CD58: variants seen among roughly 807,000 people sequenced by gnomAD.
CD58 encodes the protein lymphocyte function-associated antigen 3.
A neutral mutation model predicts 27.6 loss-of-function variants in CD58; 14 were observed. The ratio of observed to expected loss-of-function variants is 0.51; its 90% confidence interval spans 0.34 to 0.79. The LOEUF (loss-of-function observed/expected upper bound fraction) is 0.79. Ranked by LOEUF, CD58 falls within the 30% of genes least tolerant of loss-of-function variation. The pLI is 0.02. For missense variants in CD58, 268 were observed against 301.7 expected (o/e 0.89, Z 0.83); for synonymous variants, 117 against 103.8 (o/e 1.13, Z -0.77).
At position 116,536,275 on chromosome 1, in the gene CD58, G is replaced by T; in HGVS notation, c.365-47C>A. 6.9e-7 allele frequency: 1 copy of T among 1,446,808 alleles called. No individual in the cohort carries two copies. The highest frequency in any genetic ancestry group is 1.3e-5 in the South Asian group (1 of 78,286). The allele number at this position is 1,446,808 out of a possible 1,614,324, so 89.6% of individuals were successfully genotyped here. On this transcript the variant is annotated intron_variant, in intron 2 of 5. Coordinates refer to ENST00000369489, the MANE Select transcript of CD58 (RefSeq NM_001779.3). This position sits in a 1 kb window ranked among gnomAD's most constrained non-coding sequence, Gnocchi z 5.4. Reference sequence around the variant, plus strand: ...TTAGTACAGAAAATAGTAATATTTAGACTTATCATCTGCAAATTTATGAAG... The same window carrying T: ...TTAGTACAGAAAATAGTAATATTTATACTTATCATCTGCAAATTTATGAAG...
rs115808848 is a variant in CD58 at position 116,551,567 on chromosome 1, G to A, written c.71-6963C>T. Among the ~76,000 whole-genome samples the A allele has an allele frequency of 5.8e-3, 884 of 152,182 alleles. 5 individuals are homozygous for A. Among genetic ancestry groups the A allele is most frequent in the Non-Finnish European group, 9.7e-3 (657 of 68,000 alleles). Reference sequence around the variant, plus strand: ...GCTTGATCTTCTATGCAGACTACTCGAACTTTCTCCATCTGCAATAACGCT... The same window carrying A: ...GCTTGATCTTCTATGCAGACTACTCAAACTTTCTCCATCTGCAATAACGCT... On this transcript the variant is annotated intron_variant, in intron 1 of 5. Coordinates refer to ENST00000369489, the MANE Select transcript of CD58 (RefSeq NM_001779.3).
intron 1 of CD58, among the ~76,000 whole-genome samples, chr1:116,555,529 A>C (rs1571085178): frequency 6.6e-6 from 1 of 152,204 alleles, no homozygotes; most frequent in Non-Finnish European, 1.5e-5. Context: ...TAGCCAGATA[A>C]TTTTTGAAGG....
intron 1 of CD58, among the ~76,000 whole-genome samples, chr1:116,551,575 T>C (rs1287948178): frequency 6.6e-6 from 1 of 152,202 alleles, no homozygotes; most frequent in Non-Finnish European, 1.5e-5. Context: ...TCGAACTTTC[T>C]CCATCTGCAA....
In CD58 at chr1:116,546,408, G is replaced by C. The variant is rs537350129; in HGVS notation, c.71-1804C>G. ...CCATCTCCCTTAATTAAGGGGAACT[G>C]CCCTCAAAAACACACCAGCATCTTT... On this transcript the variant is annotated intron_variant, in intron 1 of 5. Coordinates refer to ENST00000369489, the MANE Select transcript of CD58 (RefSeq NM_001779.3). The surrounding 1 kb of genome is among the most constrained non-coding windows in gnomAD (Gnocchi z 4.1). 6.6e-5 allele frequency among the ~76,000 whole-genome samples: 10 copies of C among 152,274 alleles called. No homozygotes were observed. Among genetic ancestry groups the C allele is most frequent in the African/African-American group, 2.2e-4 (9 of 41,560 alleles).
chr1:116,544,442 T>A lies in CD58; in HGVS notation c.233A>T (p.Lys78Ile). 1 of 1,614,142 alleles carries A rather than the reference T, an allele frequency of 6.2e-7. No homozygotes were observed. The highest frequency in any genetic ancestry group is 8.5e-7 in the Non-Finnish European group (1 of 1,180,004). Residue 78 changes from lysine to isoleucine, a missense_variant, in exon 2 of 6, where the codon AAA (lysine) becomes ATA (isoleucine). Lys to Ile is a moderately radical substitution (Grantham distance 102). Transcript: ENST00000369489. ...CACAGTGTCTAAATAAACCCTATTT[T>A]TAAAAGATGAGAAAGCTCTGAATTC... ...NSEFRAFSSF[K>I]NRVYLDTVSG...
At position 116,523,559 on chromosome 1, in the gene CD58, C is replaced by T. The variant is rs187417193; in HGVS notation, c.629-1576G>A. On this transcript the variant is annotated intron_variant, in intron 3 of 5. Transcript: ENST00000369489. The surrounding 1 kb of genome is among the most constrained non-coding windows in gnomAD (Gnocchi z 4.4). ...CTAGGTGCCCCCGAACATCATTTTC[C>T]CTTCTTTAGTAGCAAAATTCAGATA... Among the ~76,000 whole-genome samples, 505 of 152,242 alleles carry T rather than the reference C, an allele frequency of 3.3e-3. 3 individuals carry two copies. The highest frequency in any genetic ancestry group is 0.011 in the African/African-American group (468 of 41,540).
rs1198065086 is a variant in CD58, at chr1:116,538,017, C to T, written c.365-1789G>A. 2.0e-5 allele frequency among the ~76,000 whole-genome samples: 3 copies of T among 152,056 alleles called. No homozygotes were observed. Among genetic ancestry groups the T allele is most frequent in the Admixed American group, 6.6e-5 (1 of 15,256 alleles). Reference sequence around the variant, plus strand: ...AAAAATAAAAGCATTTAATGGTTCCCCCATCTTCTCCTCCTCCTGAATTCC... The same window carrying T: ...AAAAATAAAAGCATTTAATGGTTCCTCCATCTTCTCCTCCTCCTGAATTCC... On this transcript the variant is annotated intron_variant, in intron 2 of 5. Coordinates refer to ENST00000369489, the MANE Select transcript of CD58 (RefSeq NM_001779.3). The surrounding 1 kb of genome is among the most constrained non-coding windows in gnomAD (Gnocchi z 4.7).
chr1:116,536,102 T>C lies in CD58; in HGVS notation c.491A>G (p.Glu164Gly). 6.2e-7 allele frequency: 1 copy of C among 1,613,862 alleles called. No homozygotes were observed. Among genetic ancestry groups the C allele is most frequent in the Non-Finnish European group, 8.5e-7 (1 of 1,179,806 alleles). ...ACTGGTTGAGTTACGTTTACATTGCTCCATAGGACAATCCCATGAGTACAT... is the reference window on the plus strand; with the variant it reads ...ACTGGTTGAGTTACGTTTACATTGCCCCATAGGACAATCCCATGAGTACAT... ...LIMYSWDCPM[E>G]QCKRNSTSIY... The change falls in exon 3 of 6, where the codon GAG (glutamate) becomes GGG (glycine). Residue 164 changes from glutamate (E) to glycine (G), a missense_variant. Transcript: ENST00000369489. This position sits in a 1 kb window ranked among gnomAD's most constrained non-coding sequence, Gnocchi z 5.4.
Position 116,570,940 on chromosome 1 carries a change from CA to C in CD58, c.32del (p.Leu11ArgfsTer31). On this transcript the variant is annotated frameshift_variant, in exon 1 of 6. Coordinates refer to ENST00000369489, the MANE Select transcript of CD58 (RefSeq NM_001779.3). LOFTEE classifies it high-confidence loss of function. The surrounding 1 kb of genome is among the most constrained non-coding windows in gnomAD (Gnocchi z 6.4). ...GCAGGCAGACCACGCTGAGGACCCC[CA>C]GGGCCCGCCCCGCGTCGCTCCCAGC... MVAGSDAGRA[L>X]GVLSVVCLLH... 6.4e-7 allele frequency: 1 copy of C among 1,567,998 alleles called. No homozygotes were observed. The highest frequency in any genetic ancestry group is 8.6e-7 in the Non-Finnish European group (1 of 1,163,184).
chr1:116,564,133 T>TC lies in CD58; in HGVS notation c.70+6769_70+6770insG, dbSNP rs551384747. Among the ~76,000 whole-genome samples, 455 of 152,336 alleles carry TC rather than the reference T, an allele frequency of 3.0e-3. 3 individuals are homozygous for TC. The highest frequency in any genetic ancestry group is 0.01 in the African/African-American group (424 of 41,572). On this transcript the variant is annotated intron_variant, in intron 1 of 5. Transcript: ENST00000369489. ...AATTTCTTCCACCAGATGCCCTAAA[T>TC]AATTTCTCTCAAGTTCAAAGTTCCA...
intron 1 of CD58, among the ~76,000 whole-genome samples, chr1:116,565,381 G>A (rs1658897039): frequency 1.3e-5 from 2 of 152,068 alleles, no homozygotes; most frequent in African/African-American, 4.8e-5. Context: ...AGTAGACCTG[G>A]AATATCACTC....
Position 116,534,123 on chromosome 1 carries a change from C to T in CD58, c.628+1842G>A. 2 of 729,388 alleles carry T rather than the reference C, an allele frequency of 2.7e-6. No individual in the cohort carries two copies. The highest frequency in any genetic ancestry group is 5.0e-6 in the Non-Finnish European group (2 of 404,006). The allele number at this position is 729,388 out of a possible 1,614,324, so 45.2% of individuals were successfully genotyped here. On this transcript the variant is annotated intron_variant, in intron 3 of 5. Transcript: ENST00000369489. This position sits in a 1 kb window ranked among gnomAD's most constrained non-coding sequence, Gnocchi z 5.3. The stretch of plus-strand genomic sequence containing the variant: ...TGTTTTTATCCCCTTGTCTGGTAAA[C>T]CAAGTCCCGTGAGTAACTAGGCTAA...
rs1404966942 is a variant in CD58, at chr1:116,541,363, TA to T, written c.364+2947del. ...GACATCTTAGCAAGCTGTATTTGTC[TA>T]AATAGAGTCCACAGGGGTCAGACCT... On this transcript the variant is annotated intron_variant, in intron 2 of 5. Transcript: ENST00000369489. This position sits in a 1 kb window ranked among gnomAD's most constrained non-coding sequence, Gnocchi z 5.3. 6.6e-6 allele frequency among the ~76,000 whole-genome samples: 1 copy of T among 152,226 alleles called. No individual in the cohort carries two copies. Among genetic ancestry groups the T allele is most frequent in the Non-Finnish European group, 1.5e-5 (1 of 68,036 alleles).
rs548804517 is a variant in CD58 at position 116,527,463 on chromosome 1, A to G, written c.629-5480T>C. On this transcript the variant is annotated intron_variant, in intron 3 of 5. Coordinates refer to ENST00000369489, the MANE Select transcript of CD58 (RefSeq NM_001779.3). This position sits in a 1 kb window ranked among gnomAD's most constrained non-coding sequence, Gnocchi z 4.4. ...GTGATTTTTCTTTCATAGTCTGTCA[A>G]TGTGATGGATTACATTAATTGATTT... is the stretch of plus-strand genomic sequence containing the variant. Among the ~76,000 whole-genome samples the G allele has an allele frequency of 3.9e-5, 6 of 152,266 alleles. No homozygotes were observed. The highest frequency in any genetic ancestry group is 1.3e-4 in the Admixed American group (2 of 15,300).
chr1:116,557,512 C>A lies in CD58; in HGVS notation c.71-12908G>T, dbSNP rs1470621376. 6.6e-6 allele frequency among the ~76,000 whole-genome samples: 1 copy of A among 152,202 alleles called. No homozygotes were observed. Among genetic ancestry groups the A allele is most frequent in the East Asian group, 1.9e-4 (1 of 5,200 alleles). On this transcript the variant is annotated intron_variant, in intron 1 of 5. Coordinates refer to ENST00000369489, the MANE Select transcript of CD58 (RefSeq NM_001779.3). The surrounding 1 kb of genome is among the most constrained non-coding windows in gnomAD (Gnocchi z 5.2). The stretch of plus-strand genomic sequence containing the variant: ...GTGTTATAGGATGCAGGGCACCACA[C>A]CAGATAAACTTGTACCCACTCATGG...
At chr1:116,556,114 G>T (rs1658549288) in intron 1 of CD58, among the ~76,000 whole-genome samples, 1 of 151,928 alleles carries the variant, frequency 6.6e-6, no homozygotes, top group African/African-American at 2.4e-5. Context: ...AATTAGCTGG[G>T]CGTGGTGGCA....
intron 1 of CD58, among the ~76,000 whole-genome samples, chr1:116,549,690 C>G (rs930978717): frequency 6.6e-6 from 1 of 152,190 alleles, no homozygotes; most frequent in Non-Finnish European, 1.5e-5. Flanking sequence ...ATCTGGGTGC[C>G]TTACCCACTC....
Position 116,532,722 on chromosome 1 carries a change from C to A in CD58, c.628+3243G>T, listed in dbSNP as rs1335986744. Among the ~76,000 whole-genome samples, 1 of 152,242 alleles carries A rather than the reference C, an allele frequency of 6.6e-6. No homozygotes were observed. Among genetic ancestry groups the A allele is most frequent in the Non-Finnish European group, 1.5e-5 (1 of 68,046 alleles). ...GGCTGCAGAGGGTATTGGACAAAAC[C>A]TCCTATTTCTGAAATGCATTTCAGT... On this transcript the variant is annotated intron_variant, in intron 3 of 5. Transcript: ENST00000369489. This position sits in a 1 kb window ranked among gnomAD's most constrained non-coding sequence, Gnocchi z 5.1.
rs1029883234 is a variant in CD58 at position 116,536,300 on chromosome 1, G to A, written c.365-72C>T. 2 of 1,170,162 alleles carry A rather than the reference G, an allele frequency of 1.7e-6. No individual in the cohort carries two copies. The highest frequency in any genetic ancestry group is 1.2e-6 in the Non-Finnish European group (1 of 841,036). The allele number at this position is 1,170,162 out of a possible 1,614,324, so 72.5% of individuals were successfully genotyped here. A position where few individuals can be genotyped will look rare whatever the true frequency, so the allele number is the denominator to read the frequency against. ...GACTTATCATCTGCAAATTTATGAA[G>A]AGCTCGCAACCTCCTTACAAGCTTG... is the stretch of plus-strand genomic sequence containing the variant. On this transcript the variant is annotated intron_variant, in intron 2 of 5. Transcript: ENST00000369489. The surrounding 1 kb of genome is among the most constrained non-coding windows in gnomAD (Gnocchi z 5.4).
Sources: gnomAD v4.1 joint callset for allele counts (sites outside exome capture counted in the v4.1 genomes callset) on GRCh38, gnomAD v4.1.1 for gene constraint, Gnocchi (gnomAD v3.1) non-coding constraint, MANE v1.5 for transcripts, NCBI Gene and HGNC (gene_info 2026-07-23, HGNC 2026-07-21) for gene names.